ARMH3: variants seen among roughly 807,000 people sequenced by gnomAD.
ARMH3 encodes the protein armadillo-like helical domain-containing protein 3.
A neutral mutation model predicts 99.1 loss-of-function variants in ARMH3; 60 were observed. The observed-to-expected ratio is 0.61, with a 90% CI of 0.49 to 0.75. ARMH3 has a LOEUF of 0.75. Ranked by LOEUF, ARMH3 falls within the 30% of genes least tolerant of loss-of-function variation. ARMH3 has a pLI of 0.00. For synonymous variants in ARMH3, 285 were observed against 292.8 expected (o/e 0.97, Z 0.27); for missense variants, 679 against 843.1 (o/e 0.81, Z 2.41).
chr10:101,942,707 C>CA (rs1427341065), intron 22 of ARMH3, among the ~76,000 whole-genome samples: 2 of 150,808 alleles, frequency 1.3e-5, no homozygotes, highest in South Asian at 2.1e-4. Flanking sequence ...ACTAAAGATA[C>CA]AAAAAAAAAT....
rs149598942 is a variant in ARMH3 at position 101,959,894 on chromosome 10, G to A, written c.1496-2162C>T. On this transcript the variant is annotated intron_variant, in intron 20 of 25. Coordinates refer to ENST00000370033, the MANE Select transcript of ARMH3 (RefSeq NM_024541.3). Reference sequence around the variant, plus strand: ...CACTTGGAAGTAAGAATTCTCTACAGGGGCTGGGCGCAGTGGCTCACGCCT... The same window carrying A: ...CACTTGGAAGTAAGAATTCTCTACAAGGGCTGGGCGCAGTGGCTCACGCCT... 2.2e-4 allele frequency among the ~76,000 whole-genome samples: 33 copies of A among 152,266 alleles called. 1 individual carries two copies. The East Asian group carries it at 6.2e-3, about 28-fold the overall frequency.
rs1481663453 is a variant in ARMH3, at chr10:102,054,980, G to C, written c.-12+1105C>G. Among the ~76,000 whole-genome samples the C allele has an allele frequency of 6.7e-5, 10 of 148,790 alleles. No individual in the cohort carries two copies. In the South Asian group the frequency reaches 2.1e-3, roughly 32 times the overall value. ...CATTGCACTCCAGCCTGGGCAACGA[G>C]AGCGAAACTCCGTCTCAAAAAAACA... On this transcript the variant is annotated intron_variant, in intron 1 of 25. Transcript: ENST00000370033.
At chr10:101,880,727 G>T (rs1189383936) in intron 24 of ARMH3, among the ~76,000 whole-genome samples, 1 of 152,066 alleles carries the variant, frequency 6.6e-6, no homozygotes, top group Non-Finnish European at 1.5e-5. Context: ...GAAGTATCAG[G>T]CTCCATTTTC....
chr10:101,897,133 G>T (rs2067857353), intron 23 of ARMH3, among the ~76,000 whole-genome samples: 1 of 152,164 alleles, frequency 6.6e-6, no homozygotes, highest in Admixed American at 6.5e-5. Flanking sequence ...TTGGGAAGAG[G>T]ATTTAAAGAA....
intron 20 of ARMH3, among the ~76,000 whole-genome samples, 163 bp downstream of exon 20, chr10:101,975,049 T>TAAAAAAAAAAAAAAAAAAAAAAAAAAA (rs11399489): frequency 3.4e-4 from 10 of 29,652 alleles, no homozygotes; most frequent in Admixed American, 8.5e-4. Flanking sequence ...AGCTAAAACG[T>TAAAAAAAAAAAAAAAAAAAAAAAAAAA]AAAAAAAAAA....
intron 22 of ARMH3, among the ~76,000 whole-genome samples, chr10:101,944,262 A>T (rs185267887): frequency 1.6e-5 from 1 of 63,018 alleles, no homozygotes; most frequent in African/African-American, 8.1e-5. Flanking sequence ...ATATATATAT[A>T]TATATATATA....
intron 23 of ARMH3, among the ~76,000 whole-genome samples, chr10:101,936,637 C>T (rs1334112201): frequency 1.3e-5 from 2 of 150,886 alleles, no homozygotes; most frequent in Middle Eastern, 3.6e-3. Flanking sequence ...TCATATGACA[C>T]AGCAATTCCT....
chr10:101,974,321 C>T lies in ARMH3; in HGVS notation c.1495+891G>A, dbSNP rs181399806. On this transcript the variant is annotated intron_variant, in intron 20 of 25. Coordinates refer to ENST00000370033, the MANE Select transcript of ARMH3 (RefSeq NM_024541.3). ...CCATGGAAGGGGGCTGGGTTACTGG[C>T]CTGTTTCTTATAAAGGCTCTGACAC... Among the ~76,000 whole-genome samples, 4 of 152,268 alleles carry T rather than the reference C, an allele frequency of 2.6e-5. No individual in the cohort carries two copies. The East Asian group carries it at 7.7e-4, about 29-fold the overall frequency.
intron 22 of ARMH3, among the ~76,000 whole-genome samples, chr10:101,947,796 A>AAAATAAATAAATAAATAAAT (rs56657656): frequency 6.9e-6 from 1 of 145,272 alleles, no homozygotes; most frequent in African/African-American, 2.6e-5. Flanking sequence ...GCGAAACTCA[A>AAAATAAATAAATAAATAAAT]AAATAAATAA....
rs754922858 is a variant in ARMH3, at chr10:101,939,877, T to C, written c.1767A>G (p.Ala589=). The change falls in exon 23 of 26, where the codon GCA becomes GCG. Residue 589 remains alanine (A), a synonymous_variant. Transcript: ENST00000370033. ...WKEAASKVTH[A]LVNIRAIINH... is the part of the protein sequence containing the mutation. Reference sequence around the variant, plus strand: ...TCATTCCTTACCTGATATTAACCAATGCATGGGTCACCTTGCTAGCTGCTT... The same window carrying C: ...TCATTCCTTACCTGATATTAACCAACGCATGGGTCACCTTGCTAGCTGCTT... 22 of 1,613,632 alleles carry C rather than the reference T, an allele frequency of 1.4e-5. No homozygotes were observed. Among genetic ancestry groups the C allele is most frequent in the Middle Eastern group, 1.6e-4 (1 of 6,082 alleles).
At chr10:101,903,295 A>G (rs2068023704) in intron 23 of ARMH3, among the ~76,000 whole-genome samples, 1 of 152,230 alleles carries the variant, frequency 6.6e-6, no homozygotes, top group South Asian at 2.1e-4. Context: ...TTGATAATTC[A>G]GTTTGTTTGA....
chr10:102,011,036 C>T (rs886535416), intron 11 of ARMH3, among the ~76,000 whole-genome samples: 4 of 152,090 alleles, frequency 2.6e-5, no homozygotes, highest in Admixed American at 2.6e-4. Context: ...TAATAATGCC[C>T]GAAAGACAGA....
At chr10:102,011,679 C>T (rs1220613123) in intron 11 of ARMH3, 44 bp downstream of exon 11, 2 of 1,532,064 alleles carry the variant, frequency 1.3e-6, no homozygotes, top group Non-Finnish European at 1.8e-6. Flanking sequence ...GCAGACCACA[C>T]TGTTTCTGTT....
At chr10:101,942,681 G>C (rs1388372801) in intron 22 of ARMH3, among the ~76,000 whole-genome samples, 1 of 152,034 alleles carries the variant, frequency 6.6e-6, no homozygotes, top group Admixed American at 6.6e-5. Flanking sequence ...AGCCAACATG[G>C]TGAAACCCCA....
At chr10:101,981,976 C>G (rs953018818) in intron 19 of ARMH3, among the ~76,000 whole-genome samples, 2 of 144,496 alleles carry the variant, frequency 1.4e-5, no homozygotes, top group African/African-American at 5.1e-5. Flanking sequence ...GAGCCAAGAT[C>G]GCACCACTGC....
intron 1 of ARMH3, among the ~76,000 whole-genome samples, chr10:102,050,628 C>A (rs1437620247): frequency 1.3e-5 from 2 of 152,108 alleles, no homozygotes; most frequent in African/African-American, 4.8e-5. Context: ...GAGGCCGAGG[C>A]AGGTGGATCA....
intron 24 of ARMH3, among the ~76,000 whole-genome samples, chr10:101,888,418 T>C (rs1589969750): frequency 6.6e-6 from 1 of 152,252 alleles, no homozygotes; most frequent in African/African-American, 2.4e-5. Context: ...AATAGAGTCC[T>C]ATCCATCTGG....
intron 1 of ARMH3, among the ~76,000 whole-genome samples, chr10:102,055,222 C>T (rs960747149): frequency 4.6e-5 from 7 of 151,526 alleles, no homozygotes; most frequent in African/African-American, 1.7e-4. Context: ...GCTTGAACCC[C>T]GGAGGCAGAG....
chr10:101,926,283 G>A (rs1344072347), intron 23 of ARMH3, among the ~76,000 whole-genome samples: 1 of 152,160 alleles, frequency 6.6e-6, no homozygotes, highest in East Asian at 1.9e-4. Context: ...GAACTCCTGG[G>A]CCCAAGTAAT....
Sources: gnomAD v4.1 joint callset for allele counts (sites outside exome capture counted in the v4.1 genomes callset) on GRCh38, gnomAD v4.1.1 for gene constraint, MANE v1.5 for transcripts, NCBI Gene and HGNC (gene_info 2026-07-23, HGNC 2026-07-21) for gene names.